MRPS27: variants seen among roughly 807,000 people sequenced by gnomAD.
MRPS27 encodes mitochondrial ribosomal protein S27.
Under a neutral mutation model 48.9 loss-of-function variants are expected in MRPS27, and 43 were observed. The ratio of observed to expected loss-of-function variants is 0.88; its 90% CI spans 0.69 to 1.13. MRPS27 has a LOEUF of 1.13. Among genes scored for constraint, MRPS27 ranks in the 50% most tolerant of loss-of-function variants. The pLI, the probability that MRPS27 is intolerant of heterozygous loss-of-function variation, is 0.00. For missense variants in MRPS27, 467 were observed against 476.3 expected (o/e 0.98, Z 0.18); for synonymous variants, 188 against 171.9 (o/e 1.09, Z -0.73).
chr5:72,239,290 C>A (rs1748289907), intron 4 of MRPS27, among the ~76,000 whole-genome samples: 1 of 152,098 alleles, frequency 6.6e-6, no homozygotes, highest in Non-Finnish European at 1.5e-5. Context: ...TGAACAGGTT[C>A]TCTGCCAAAG....
chr5:72,319,308 A>G (rs1413155548), intron 1 of MRPS27, among the ~76,000 whole-genome samples: 3 of 152,176 alleles, frequency 2.0e-5, no homozygotes, highest in African/African-American at 7.2e-5. Flanking sequence ...AGTAACTAAT[A>G]GCATTTATTA....
intron 4 of MRPS27, among the ~76,000 whole-genome samples, chr5:72,290,934 G>A (rs551938945): frequency 1.3e-3 from 199 of 152,298 alleles, no homozygotes; most frequent in African/African-American, 4.6e-3. Context: ...CACTGGGAAA[G>A]AGCATGACTT....
chr5:72,283,131 A>G (rs1749574944), intron 4 of MRPS27, among the ~76,000 whole-genome samples: 2 of 152,102 alleles, frequency 1.3e-5, no homozygotes, highest in Admixed American at 6.6e-5. Context: ...TGATGTCCAG[A>G]GAGTTCACTA....
At chr5:72,228,216 C>T in intron 8 of MRPS27, 50 bp downstream of exon 8, 1 of 1,402,618 alleles carries the variant, frequency 7.1e-7, no homozygotes, top group Non-Finnish European at 1.0e-6. Flanking sequence ...TGGAAGAATG[C>T]AACAATTCTA....
intron 4 of MRPS27, among the ~76,000 whole-genome samples, chr5:72,239,919 C>G (rs186458539): frequency 8.5e-5 from 13 of 152,244 alleles, no homozygotes; most frequent in Non-Finnish European, 1.3e-4. Flanking sequence ...CTACTTGATT[C>G]TTGTTTCTCT....
chr5:72,255,629 T>C (rs1269811114), intron 4 of MRPS27, among the ~76,000 whole-genome samples: 1 of 152,238 alleles, frequency 6.6e-6, no homozygotes, highest in Non-Finnish European at 1.5e-5. Context: ...ACTATGCGAA[T>C]TGCTTTTTAA....
chr5:72,251,928 G>T (rs946420738), intron 4 of MRPS27, among the ~76,000 whole-genome samples: 2 of 152,154 alleles, frequency 1.3e-5, no homozygotes, highest in African/African-American at 2.4e-5. Context: ...GGAGTTTAAG[G>T]CTGAAAGCAC....
chr5:72,301,007 A>G (rs377207206), intron 2 of MRPS27, among the ~76,000 whole-genome samples: 125 of 152,388 alleles, frequency 8.2e-4, no homozygotes, highest in African/African-American at 2.8e-3. Context: ...AGGAAGAAAG[A>G]AAAAAGCAAT....
At chr5:72,311,846 T>C (rs1461959972) in intron 2 of MRPS27, among the ~76,000 whole-genome samples, 1 of 152,224 alleles carries the variant, frequency 6.6e-6, no homozygotes, top group Non-Finnish European at 1.5e-5. Flanking sequence ...TTTAAAATTA[T>C]TTCCCGCTGG....
intron 2 of MRPS27, among the ~76,000 whole-genome samples, chr5:72,302,159 T>C (rs1444822865): frequency 6.6e-6 from 1 of 152,182 alleles, no homozygotes; most frequent in African/African-American, 2.4e-5. Flanking sequence ...ATAAAATGTA[T>C]ACTAAAAATG....
intron 4 of MRPS27, among the ~76,000 whole-genome samples, chr5:72,270,165 C>A (rs1265600711): frequency 2.7e-5 from 4 of 148,356 alleles, no homozygotes; most frequent in Non-Finnish European, 5.9e-5. Context: ...TATGCTCCAG[C>A]CTGGGCGACA....
intron 7 of MRPS27, among the ~76,000 whole-genome samples, chr5:72,231,074 A>C (rs527819174): frequency 1.3e-5 from 2 of 152,126 alleles, no homozygotes; most frequent in South Asian, 4.1e-4. Context: ...AGATTTGATT[A>C]TTATATGCCC....
intron 4 of MRPS27, among the ~76,000 whole-genome samples, chr5:72,247,982 G>T (rs1009046390): frequency 2.0e-5 from 3 of 152,172 alleles, no homozygotes; most frequent in African/African-American, 7.2e-5. Context: ...AGTCCAATTG[G>T]TTTTTAGAAA....
At chr5:72,301,194 G>T (rs144612048) in intron 2 of MRPS27, among the ~76,000 whole-genome samples, 16 of 152,216 alleles carry the variant, frequency 1.1e-4, no homozygotes, top group African/African-American at 3.4e-4. Context: ...ACCTACTGGG[G>T]GAAAACAACT....
chr5:72,254,434 C>T (rs7715708), intron 4 of MRPS27, among the ~76,000 whole-genome samples: 8,380 of 152,086 alleles, frequency 0.055, 754 homozygotes, highest in African/African-American at 0.19. Context: ...AGAAAAAAGA[C>T]GGGAAAGAAA....
chr5:72,317,040 A>G (rs1189763015), intron 1 of MRPS27, among the ~76,000 whole-genome samples: 1 of 151,990 alleles, frequency 6.6e-6, no homozygotes, highest in Non-Finnish European at 1.5e-5. Context: ...AAAAAAAAAA[A>G]AAAACAAACA....
intron 4 of MRPS27, chr5:72,241,718 T>C: frequency 6.5e-7 from 1 of 1,532,736 alleles, no homozygotes; most frequent in Non-Finnish European, 8.7e-7. Flanking sequence ...GAGAAAAGAA[T>C]ACAACTAACA....
intron 4 of MRPS27, among the ~76,000 whole-genome samples, chr5:72,250,973 T>C (rs1015369345): frequency 3.9e-5 from 6 of 152,206 alleles, no homozygotes; most frequent in Non-Finnish European, 4.4e-5. Context: ...CCAGTTTATC[T>C]GGTAAAACTC....
At chr5:72,311,926 A>G (rs1053660949) in intron 2 of MRPS27, among the ~76,000 whole-genome samples, 63 of 152,352 alleles carry the variant, frequency 4.1e-4, no homozygotes, top group Non-Finnish European at 1.3e-4. Flanking sequence ...TGACACCAGG[A>G]GTTCAAGACC....
Sources: allele counts gnomAD v4.1 joint callset (sites outside exome capture counted in the v4.1 genomes callset), GRCh38; gene constraint gnomAD v4.1.1; transcripts MANE v1.5; gene names NCBI Gene and HGNC (gene_info 2026-07-23, HGNC 2026-07-21).